Variants in CNIH3 observed in about 807,000 individuals in gnomAD.
The protein encoded by CNIH3 is cornichon family AMPA receptor auxiliary protein 3, also known as protein cornichon homolog 3.
Under a neutral mutation model 24.1 loss-of-function variants are expected in CNIH3, and 14 were observed. The observed-to-expected ratio is 0.58, with a 90% CI of 0.38 to 0.91. The LOEUF (loss-of-function observed/expected upper bound fraction) is 0.91. Among genes scored for constraint, CNIH3 ranks in the 40% least tolerant of loss-of-function variants. The pLI is 0.00. For missense variants in CNIH3, 178 were observed against 196.8 expected (o/e 0.90, Z 0.57); for synonymous variants, 68 against 73.8 (o/e 0.92, Z 0.40).
chr1:224,648,972 A>T (rs1684744147), intron 1 of CNIH3, among the ~76,000 whole-genome samples: 1 of 152,142 alleles, frequency 6.6e-6, no homozygotes, highest in Non-Finnish European at 1.5e-5. Flanking sequence ...TTGTTCCCAG[A>T]ATTTCTTCCT....
intron 3 of CNIH3, among the ~76,000 whole-genome samples, chr1:224,550,806 A>G (rs1162474030): frequency 6.6e-6 from 1 of 151,052 alleles, no homozygotes; most frequent in Non-Finnish European, 1.5e-5. Context: ...GCACCCATTA[A>G]CTCGTCATTT....
chr1:224,541,087 G>T (rs188599936), downstream of CNIH3, among the ~76,000 whole-genome samples: 401 of 152,286 alleles, frequency 2.6e-3, 1 homozygote, highest in Non-Finnish European at 4.3e-3. Context: ...AAATTCCATT[G>T]CTGTATTGGC....
chr1:224,676,872 G>T (rs1449975122), intron 1 of CNIH3, among the ~76,000 whole-genome samples: 2 of 152,240 alleles, frequency 1.3e-5, no homozygotes, highest in African/African-American at 2.4e-5. Context: ...TTAGTGCTAA[G>T]TGGGGGGTAG....
chr1:224,645,212 T>C lies in CNIH3; in HGVS notation c.81+27957T>C, dbSNP rs537723847. 1.7e-3 allele frequency among the ~76,000 whole-genome samples: 263 copies of C among 152,302 alleles called. 1 individual carries two copies. Among genetic ancestry groups the C allele is most frequent in the South Asian group, 3.7e-3 (18 of 4,826 alleles). ...TACCGTGTTTGATCAGTTCTCTCTC[T>C]CTCCTCCCACCACCTCCCCACTGCC... On this transcript the variant is annotated intron_variant, in intron 1 of 5. Transcript: ENST00000272133.
upstream of CNIH3, among the ~76,000 whole-genome samples, chr1:224,512,509 C>A (rs1040483691): frequency 6.6e-6 from 1 of 152,120 alleles, no homozygotes; most frequent in Non-Finnish European, 1.5e-5. Context: ...TGGAGCTATA[C>A]AGAAAATACA....
At chr1:224,490,642 C>T (rs963803315) in intron 1 of CNIH3, among the ~76,000 whole-genome samples, 2 of 152,182 alleles carry the variant, frequency 1.3e-5, no homozygotes, top group African/African-American at 4.8e-5. Flanking sequence ...TTGTTACAGA[C>T]TTCAAAAACC....
At chr1:224,459,320 G>T in intron 1 of CNIH3, 1 of 650,956 alleles carries the variant, frequency 1.5e-6, no homozygotes, top group South Asian at 7.0e-5. Flanking sequence ...TTTATTCCGG[G>T]TCTTTAACAA....
At chr1:224,459,904 G>A (rs997271922) in intron 1 of CNIH3, among the ~76,000 whole-genome samples, 2 of 149,150 alleles carry the variant, frequency 1.3e-5, no homozygotes, top group African/African-American at 2.5e-5. Flanking sequence ...TTTTGACCGG[G>A]TCTTGCTTGG....
chr1:224,710,453 A>G (rs1198479050), intron 3 of CNIH3, among the ~76,000 whole-genome samples: 3 of 152,198 alleles, frequency 2.0e-5, no homozygotes, highest in Non-Finnish European at 4.4e-5. Context: ...CATTGTTGGA[A>G]TGATCTAAGC....
At chr1:224,720,990 AC>A (rs1326269434) in intron 3 of CNIH3, among the ~76,000 whole-genome samples, 2 of 152,106 alleles carry the variant, frequency 1.3e-5, no homozygotes, top group Middle Eastern at 3.2e-3. Flanking sequence ...TTAAATCTCC[AC>A]TTGAGAGGCC....
intron 3 of CNIH3, among the ~76,000 whole-genome samples, chr1:224,722,572 C>G (rs544015152): frequency 7.9e-5 from 12 of 152,228 alleles, no homozygotes; most frequent in African/African-American, 2.4e-4. Flanking sequence ...GAGCAGGGAC[C>G]ACACTTTGAG....
chr1:224,454,410 A>T (rs1432454592), intron 1 of CNIH3: 3 of 728,256 alleles, frequency 4.1e-6, no homozygotes, highest in Non-Finnish European at 3.4e-6. Context: ...CCATCCAGAG[A>T]GCAGGAGAAC....
intron 2 of CNIH3, among the ~76,000 whole-genome samples, chr1:224,535,827 C>T (rs1389390742): frequency 6.6e-6 from 1 of 152,238 alleles, no homozygotes; most frequent in Non-Finnish European, 1.5e-5. Context: ...ATTCCCAGAG[C>T]TGGGGACAGC....
chr1:224,553,900 C>A lies in CNIH3; in HGVS notation n.450+6961C>A, dbSNP rs181460647. On this transcript the variant is annotated intron_variant and non_coding_transcript_variant, in intron 3 of 5. Coordinates refer to the CNIH3 transcript ENST00000471578. The stretch of plus-strand genomic sequence containing the variant: ...GATCCTCTATGGGTCTATAAAACAG[C>A]GAATTTGCACTCAAATACTTCGTAC... Among the ~76,000 whole-genome samples the A allele has an allele frequency of 1.8e-3, 280 of 151,646 alleles. 3 individuals carry two copies. The highest frequency in any genetic ancestry group is 6.2e-3 in the African/African-American group (255 of 41,398).
At chr1:224,596,382 C>T (rs1461998393) in intron 3 of CNIH3, among the ~76,000 whole-genome samples, 2 of 152,190 alleles carry the variant, frequency 1.3e-5, no homozygotes, top group Non-Finnish European at 2.9e-5. Context: ...CTGTTGAGAC[C>T]TATTGCTCAG....
intron 1 of CNIH3, among the ~76,000 whole-genome samples, chr1:224,647,315 ATAAT>A (rs1193596129): frequency 6.6e-6 from 1 of 152,214 alleles, no homozygotes; most frequent in Non-Finnish European, 1.5e-5. Flanking sequence ...TCTGGGCTTG[ATAAT>A]TAAAGGGGGC....
intron 3 of CNIH3, chr1:224,565,498 A>C (rs1271467731): frequency 6.6e-6 from 1 of 152,312 alleles, no homozygotes; most frequent in Non-Finnish European, 1.5e-5. Flanking sequence ...CCCTGCTTGC[A>C]TTCTTTGCTC....
chr1:224,617,364 C>T (rs984272936), intron 1 of CNIH3, 109 bp downstream of exon 1: 25 of 1,178,818 alleles, frequency 2.1e-5, no homozygotes, highest in Non-Finnish European at 3.0e-5. Context: ...GAAGGTTGGA[C>T]CTTCTGCCGC....
intron 3 of CNIH3, among the ~76,000 whole-genome samples, chr1:224,564,667 G>A (rs1572486268): frequency 1.3e-5 from 2 of 152,270 alleles, no homozygotes; most frequent in Admixed American, 1.3e-4. Context: ...GGGTTTACAT[G>A]CTTTGGAGGC....
Sources: allele counts gnomAD v4.1 joint callset (sites outside exome capture counted in the v4.1 genomes callset), GRCh38; gene constraint gnomAD v4.1.1; transcripts MANE v1.5; gene names NCBI Gene and HGNC (gene_info 2026-07-23, HGNC 2026-07-21).